Variants in PRKAR1A observed in about 807,000 individuals in gnomAD.
PRKAR1A encodes the protein protein kinase cAMP-dependent type I regulatory subunit alpha.
PRKAR1A carries 3 observed loss-of-function variants against 52.0 expected under a neutral mutation model. The ratio of observed to expected loss-of-function variants is 0.06; its 90% CI spans 0.03 to 0.15. The LOEUF is 0.15. PRKAR1A is among the 10% of genes least tolerant of loss of function. The pLI, the probability that PRKAR1A is intolerant of heterozygous loss-of-function variation, is 1.00. For synonymous variants in PRKAR1A, 188 were observed against 168.4 expected, an observed-to-expected ratio of 1.12 and a Z score of -0.90; for missense variants, 240 against 477.4, an observed-to-expected ratio of 0.50 and a Z score of 4.63.
Position 68,539,295 on chromosome 17 carries a change from C to T in PRKAR1A, c.973+9294C>T, listed in dbSNP as rs1342325390. On this transcript the variant is annotated intron_variant, in intron 11 of 11. Transcript: ENST00000585981. ...TGGCTGCAAGCAGCATGAAGGGTCA[C>T]AACTGTTACTTGCCCGTATTATCTG... 4.4e-6 allele frequency: 7 copies of T among 1,607,652 alleles called. No individual in the cohort carries two copies. The East Asian group carries it at 1.3e-4, about 31-fold the overall frequency.
rs925326410 is a variant in PRKAR1A at position 68,542,632 on chromosome 17, G to A, written c.974-8452G>A. The stretch of plus-strand genomic sequence containing the variant: ...GGTGTCAGGCCACTGATGAATGGAG[G>A]GGTGGACACTCTGGCTTACGATCTA... On this transcript the variant is annotated intron_variant, in intron 11 of 11. Transcript: ENST00000585981. 4.0e-6 allele frequency: 5 copies of A among 1,239,286 alleles called. No homozygotes were observed. In the African/African-American group the frequency reaches 7.4e-5, roughly 18 times the overall value. 76.8% of individuals were successfully genotyped at this position (1,239,286 alleles called of 1,614,324 possible). A position where few individuals can be genotyped will look rare whatever the true frequency, so the allele number is the denominator to read the frequency against.
the PRKAR1A span, among the ~76,000 whole-genome samples, chr17:68,445,696 C>T: frequency 6.6e-5 from 10 of 152,142 alleles, no homozygotes; most frequent in Non-Finnish European, 1.0e-4. Context: ...GTTGATGTAT[C>T]GGGTGTTTAA....
chr17:68,505,323 G>A, the PRKAR1A span, among the ~76,000 whole-genome samples: 8 of 152,050 alleles, frequency 5.3e-5, no homozygotes, highest in African/African-American at 1.7e-4. Context: ...AAAATAAAAC[G>A]AAAATCAGTG....
At chr17:68,546,816 C>T (rs117683105) in intron 11 of PRKAR1A, among the ~76,000 whole-genome samples, 4,575 of 124,826 alleles carry the variant, frequency 0.037, 107 homozygotes, top group Middle Eastern at 0.084. Flanking sequence ...GGCGAGAGTG[C>T]GAGACTACGG....
the PRKAR1A span, among the ~76,000 whole-genome samples, chr17:68,429,097 T>A: frequency 3.2e-4 from 49 of 152,354 alleles, 1 homozygote; most frequent in East Asian, 8.7e-3. Context: ...TCCTTTGCAT[T>A]CTGGCCTTGG....
Position 68,533,243 on chromosome 17 carries a change from G to A in PRKAR1A, c.*2794G>A. The stretch of plus-strand genomic sequence containing the variant: ...GATTTCTGAGGAGTGAGATGATTAA[G>A]TTGTATTCATTAGTGTATTGGTATT... On this transcript the variant is annotated 3_prime_UTR_variant, in exon 11 of 11. Coordinates refer to ENST00000589228, the MANE Select transcript of PRKAR1A (RefSeq NM_002734.5). 9.4e-7 allele frequency: 1 copy of A among 1,061,696 alleles called. No individual in the cohort carries two copies. The highest frequency in any genetic ancestry group is 1.1e-6 in the Non-Finnish European group (1 of 876,236). 65.8% of individuals were successfully genotyped at this position (1,061,696 alleles called of 1,614,324 possible).
At chr17:68,494,404 T>C in the PRKAR1A span, among the ~76,000 whole-genome samples, 1 of 152,046 alleles carries the variant, frequency 6.6e-6, no homozygotes, top group Non-Finnish European at 1.5e-5. Context: ...TAGCCAGGCA[T>C]GGTGGTGGGA....
At chr17:68,534,793 TA>T (rs2086058537), downstream of PRKAR1A, among the ~76,000 whole-genome samples, 1 of 152,272 alleles carries the variant, frequency 6.6e-6, no homozygotes, top group South Asian at 2.1e-4. Context: ...TAAAGTGTCT[TA>T]AACATGCGTT....
the PRKAR1A span, chr17:68,420,635 G>A: frequency 4.1e-5 from 31 of 753,654 alleles, no homozygotes; most frequent in South Asian, 9.1e-5. Flanking sequence ...ACGCCGACCC[G>A]AGAGCAGCTG....
downstream of PRKAR1A, chr17:68,537,719 G>A (rs770729143): frequency 2.2e-5 from 35 of 1,612,518 alleles, no homozygotes; most frequent in Non-Finnish European, 3.0e-5. This position sits in a 1 kb window ranked among gnomAD's most constrained non-coding sequence, Gnocchi z 4.2. Context: ...AGCTGCAGGT[G>A]CAAAAGTGTT....
chr17:68,531,741 T>C lies in PRKAR1A; in HGVS notation c.*1292T>C. ...TTCTTTTTTAAAGTAAACTTGTGTATTGAGTCTTAACTGTATTTCAGTATT... is the reference window on the plus strand; with the variant it reads ...TTCTTTTTTAAAGTAAACTTGTGTACTGAGTCTTAACTGTATTTCAGTATT... On this transcript the variant is annotated 3_prime_UTR_variant, in exon 11 of 11. Transcript: ENST00000589228. 9.5e-7 allele frequency: 1 copy of C among 1,051,752 alleles called. No individual in the cohort carries two copies. Among genetic ancestry groups the C allele is most frequent in the Non-Finnish European group, 1.2e-6 (1 of 866,432 alleles). 65.2% of individuals were successfully genotyped at this position (1,051,752 alleles called of 1,614,324 possible). A position where few individuals can be genotyped will look rare whatever the true frequency, so the allele number is the denominator to read the frequency against.
chr17:68,476,912 G>A, the PRKAR1A span, among the ~76,000 whole-genome samples: 2 of 151,872 alleles, frequency 1.3e-5, no homozygotes, highest in African/African-American at 2.4e-5. Context: ...CGCTCACCTC[G>A]GCCTCCCAAA....
At chr17:68,505,467 A>G in the PRKAR1A span, among the ~76,000 whole-genome samples, 2 of 152,166 alleles carry the variant, frequency 1.3e-5, no homozygotes, top group South Asian at 4.1e-4. Flanking sequence ...AAACTCATAG[A>G]ATATACAACA....
chr17:68,420,647 G>A, the PRKAR1A span: 3 of 703,220 alleles, frequency 4.3e-6, no homozygotes, highest in African/African-American at 3.6e-5. Flanking sequence ...GAGCAGCTGA[G>A]CTGCGCTGGC....
At chr17:68,491,604 T>A in the PRKAR1A span, among the ~76,000 whole-genome samples, 1 of 151,770 alleles carries the variant, frequency 6.6e-6, no homozygotes, top group Admixed American at 6.6e-5. Context: ...TGGGAGGAAG[T>A]GAGAGGAACA....
At chr17:68,476,291 T>A in the PRKAR1A span, among the ~76,000 whole-genome samples, 2 of 152,212 alleles carry the variant, frequency 1.3e-5, no homozygotes, top group East Asian at 3.8e-4. Context: ...TGGCTAGAAG[T>A]TGTCATATTC....
At chr17:68,431,746 G>A in the PRKAR1A span, among the ~76,000 whole-genome samples, 1,596 of 15,666 alleles carry the variant, frequency 0.1, 2 homozygotes, top group South Asian at 0.15. Context: ...CGTAACCGCC[G>A]GGGACATATG....
intron 11 of PRKAR1A, among the ~76,000 whole-genome samples, chr17:68,544,467 A>G (rs1315599683): frequency 1.3e-5 from 2 of 152,186 alleles, no homozygotes; most frequent in Non-Finnish European, 1.5e-5. Flanking sequence ...CCTCGAGGCT[A>G]ATAAACATGG....
At chr17:68,428,800 G>A in the PRKAR1A span, 2 of 1,556,754 alleles carry the variant, frequency 1.3e-6, no homozygotes, top group African/African-American at 1.4e-5. Context: ...GCTCTCGAAA[G>A]GCTGTCTTTT....
Sources: gnomAD v4.1 joint callset for allele counts (sites outside exome capture counted in the v4.1 genomes callset) on GRCh38, gnomAD v4.1.1 for gene constraint, Gnocchi (gnomAD v3.1) non-coding constraint, MANE v1.5 for transcripts, NCBI Gene and HGNC (gene_info 2026-07-23, HGNC 2026-07-21) for gene names.